NEDD4L: variants seen among roughly 807,000 people sequenced by gnomAD.
NEDD4L encodes E3 ubiquitin-protein ligase NEDD4-like.
NEDD4L carries 54 observed loss-of-function variants against 148.9 expected under a neutral mutation model. The observed-to-expected ratio is 0.36, with a 90% CI of 0.29 to 0.45. The LOEUF is 0.45. Among genes scored for constraint, NEDD4L ranks in the 20% least tolerant of loss-of-function variants. The pLI, the probability that NEDD4L is intolerant of heterozygous loss-of-function variation, is 1.00. For missense variants in NEDD4L, 856 were observed against 1,233.8 expected (o/e 0.69, Z 4.59); for synonymous variants, 433 against 440.7 (o/e 0.98, Z 0.22).
intron 2 of NEDD4L, among the ~76,000 whole-genome samples, chr18:58,226,856 C>T (rs1186333751): frequency 6.6e-6 from 1 of 152,028 alleles, no homozygotes; most frequent in Non-Finnish European, 1.5e-5. Flanking sequence ...GAGCGCATGC[C>T]CTCTGTGATG....
chr18:58,206,225 C>T (rs1039176871), intron 2 of NEDD4L, among the ~76,000 whole-genome samples: 14 of 152,134 alleles, frequency 9.2e-5, no homozygotes, highest in African/African-American at 3.4e-4. Flanking sequence ...CCTGTCTCTA[C>T]TAAAAATACA....
At chr18:58,328,177 T>TACAAG (rs1264174956) in intron 9 of NEDD4L, among the ~76,000 whole-genome samples, 15 of 152,094 alleles carry the variant, frequency 9.9e-5, no homozygotes, top group Non-Finnish European at 1.9e-4. Flanking sequence ...GTTGGCCAGG[T>TACAAG]ACGTCTTGAG....
At chr18:58,207,038 C>T (rs781742433) in intron 2 of NEDD4L, among the ~76,000 whole-genome samples, 2 of 152,186 alleles carry the variant, frequency 1.3e-5, no homozygotes, top group Non-Finnish European at 2.9e-5. Context: ...GTTCTCCCAT[C>T]CACTCTTTTC....
At chr18:58,275,559 A>G (rs553761706) in intron 5 of NEDD4L, among the ~76,000 whole-genome samples, 37 of 152,316 alleles carry the variant, frequency 2.4e-4, no homozygotes, top group African/African-American at 8.7e-4. Context: ...GTCCTGAAAG[A>G]TGAGAATGTG....
chr18:58,232,957 G>A (rs1454941099), intron 2 of NEDD4L, among the ~76,000 whole-genome samples: 2 of 152,126 alleles, frequency 1.3e-5, no homozygotes, highest in Non-Finnish European at 1.5e-5. Flanking sequence ...TATTTTAAGC[G>A]TTCTTAGGGC....
At chr18:58,045,069 C>T (rs1005393330) in intron 1 of NEDD4L, 10 of 407,126 alleles carry the variant, frequency 2.5e-5, no homozygotes, top group Non-Finnish European at 4.3e-5. Flanking sequence ...CTCGCCCCTG[C>T]AGCCCGGGAG....
intron 5 of NEDD4L, among the ~76,000 whole-genome samples, chr18:58,269,442 T>C (rs1434962866): frequency 1.3e-4 from 20 of 152,090 alleles, no homozygotes; most frequent in African/African-American, 4.8e-4. Flanking sequence ...CACAAGTCTG[T>C]GGTCAGCAGA....
intron 2 of NEDD4L, among the ~76,000 whole-genome samples, chr18:58,191,289 G>A (rs578191759): frequency 1.3e-5 from 2 of 152,274 alleles, no homozygotes; most frequent in East Asian, 3.9e-4. Flanking sequence ...TGGTGTGTCT[G>A]GTTCCTATAG....
chr18:58,396,901 C>T lies in NEDD4L; in HGVS notation c.*632C>T, dbSNP rs1568968112. ...ATATTAGACATAATGATAATTTTTTCCATACTCAGAATGAAAAACTGGATA... is the reference window on the plus strand; with the variant it reads ...ATATTAGACATAATGATAATTTTTTTCATACTCAGAATGAAAAACTGGATA... On this transcript the variant is annotated 3_prime_UTR_variant, in exon 31 of 31. Coordinates refer to ENST00000400345, the MANE Select transcript of NEDD4L (RefSeq NM_001144967.3). 2 of 152,500 alleles carry T rather than the reference C, an allele frequency of 1.3e-5. No homozygotes were observed. The highest frequency in any genetic ancestry group is 2.9e-5 in the Non-Finnish European group (2 of 68,016). The allele number at this position is 152,500 out of a possible 1,614,324, so 9.4% of individuals were successfully genotyped here.
At chr18:58,082,275 T>C (rs1245136439) in intron 1 of NEDD4L, among the ~76,000 whole-genome samples, 1 of 147,410 alleles carries the variant, frequency 6.8e-6, no homozygotes, top group Non-Finnish European at 1.5e-5. Context: ...GCCCGGCTAA[T>C]TTTTGTATTT....
chr18:58,047,540 T>G (rs2081642871), intron 1 of NEDD4L: 2 of 979,032 alleles, frequency 2.0e-6, no homozygotes, highest in South Asian at 9.5e-5. Flanking sequence ...GCTTTGCTTG[T>G]GTGAATGTAT....
chr18:58,143,878 A>G (rs775992732), intron 1 of NEDD4L, among the ~76,000 whole-genome samples: 2 of 152,218 alleles, frequency 1.3e-5, no homozygotes, highest in African/African-American at 4.8e-5. Context: ...GAGAATGTTC[A>G]TATTATATAG....
At chr18:58,102,593 G>T (rs555209233) in intron 1 of NEDD4L, among the ~76,000 whole-genome samples, 1 of 151,960 alleles carries the variant, frequency 6.6e-6, no homozygotes, top group Non-Finnish European at 1.5e-5. Flanking sequence ...TCAACCAACT[G>T]CAGATTGAAG....
chr18:58,355,975 C>G (rs9949716), intron 18 of NEDD4L, among the ~76,000 whole-genome samples: 55,932 of 152,018 alleles, frequency 0.37, 11,647 homozygotes, highest in African/African-American at 0.56. Context: ...TCCCCCGCCC[C>G]GGTCCCCAAG....
At chr18:58,211,629 C>T (rs754764391) in intron 2 of NEDD4L, among the ~76,000 whole-genome samples, 13 of 152,062 alleles carry the variant, frequency 8.5e-5, no homozygotes, top group Non-Finnish European at 1.8e-4. Flanking sequence ...TAAAATAATC[C>T]TGAAGTCTTT....
intron 2 of NEDD4L, among the ~76,000 whole-genome samples, chr18:58,229,762 C>T (rs548936073): frequency 2.2e-4 from 34 of 152,092 alleles, no homozygotes; most frequent in Non-Finnish European, 2.9e-4. Flanking sequence ...GAGGCCGAGG[C>T]GGGCGGATCG....
chr18:58,281,310 T>TC, intron 5 of NEDD4L, among the ~76,000 whole-genome samples: 1 of 141,482 alleles, frequency 7.1e-6, no homozygotes, highest in Non-Finnish European at 1.5e-5. Flanking sequence ...TCTCTCTCCT[T>TC]TTTTTTTTTT....
intron 2 of NEDD4L, among the ~76,000 whole-genome samples, chr18:58,240,519 G>A (rs745837902): frequency 6.6e-6 from 1 of 152,126 alleles, no homozygotes; most frequent in Non-Finnish European, 1.5e-5. Flanking sequence ...GTGTGTAATG[G>A]CACAATTTGT....
At chr18:58,128,086 G>A (rs186464440) in intron 1 of NEDD4L, among the ~76,000 whole-genome samples, 75 of 151,540 alleles carry the variant, frequency 4.9e-4, no homozygotes, top group African/African-American at 1.6e-3. Context: ...TCACTCTGTC[G>A]CCCAGGCTGG....
Sources: allele counts gnomAD v4.1 joint callset (sites outside exome capture counted in the v4.1 genomes callset), GRCh38; gene constraint gnomAD v4.1.1; transcripts MANE v1.5; gene names NCBI Gene and HGNC (gene_info 2026-07-23, HGNC 2026-07-21).